Variants in KCTD1 observed in about 807,000 individuals in gnomAD.
KCTD1 encodes BTB/POZ domain-containing protein KCTD1.
In KCTD1, 24 loss-of-function variants were observed where a neutral mutation model predicts 66.0. The ratio of observed to expected loss-of-function variants is 0.36; its 90% CI spans 0.26 to 0.51. The LOEUF (loss-of-function observed/expected upper bound fraction) is 0.51, where lower values mean the gene tolerates loss of function less well. KCTD1 is among the 20% of genes least tolerant of loss of function. The pLI is 0.95. For missense variants in KCTD1, 943 were observed against 1,205.2 expected (o/e 0.78, Z 3.22); for synonymous variants, 511 against 517.2 (o/e 0.99, Z 0.16).
At chr18:26,643,168 C>T (rs1987863983), upstream of KCTD1, among the ~76,000 whole-genome samples, 1 of 152,120 alleles carries the variant, frequency 6.6e-6, no homozygotes, top group African/African-American at 2.4e-5. Flanking sequence ...CCGACAGCCA[C>T]CTTCTTGCTG....
intron 2 of KCTD1, among the ~76,000 whole-genome samples, chr18:26,495,813 T>C (rs74862787): frequency 0.017 from 2,655 of 152,258 alleles, 73 homozygotes; most frequent in African/African-American, 0.06. Flanking sequence ...AGTAATAACC[T>C]ATTACACTTG....
upstream of KCTD1, chr18:26,549,817 G>A (rs1473615707): frequency 2.0e-6 from 2 of 985,054 alleles, no homozygotes; most frequent in African/African-American, 1.7e-5. Context: ...TGGAAAAGCA[G>A]CCAAAGAGCT....
At chr18:26,625,571 C>A (rs573156948) in intron 1 of KCTD1, among the ~76,000 whole-genome samples, 2 of 152,298 alleles carry the variant, frequency 1.3e-5, no homozygotes, top group East Asian at 3.9e-4. Context: ...GAGGCTTCCC[C>A]AGCCCTGCAG....
intron 1 of KCTD1, among the ~76,000 whole-genome samples, chr18:26,652,695 T>TA (rs1988058989): frequency 1.3e-5 from 2 of 152,172 alleles, no homozygotes; most frequent in Admixed American, 6.5e-5. Context: ...GAGTGCCTGA[T>TA]ACACTGTAGG....
rs760825235 is a variant in KCTD1 at position 26,548,297 on chromosome 18, GTCC to G, written c.237_239del (p.Glu79del). 4.6e-3 allele frequency: 6,411 copies of G among 1,389,560 alleles called. No homozygotes were observed. Among genetic ancestry groups the G allele is most frequent in the South Asian group, 0.013 (896 of 69,572 alleles). The allele number at this position is 1,389,560 out of a possible 1,614,324, so 86.1% of individuals were successfully genotyped here. A position where few individuals can be genotyped will look rare whatever the true frequency, so the allele number is the denominator to read the frequency against. On this transcript the variant is annotated inframe_deletion, in exon 1 of 5. Coordinates refer to ENST00000580059, the MANE Select transcript of KCTD1 (RefSeq NM_001142730.3). ...CGTCCTCCTCCAGCCCCCCACCTCCGTCCTCCTCCTCCTCCTCGTCCCCCGTTA... is the reference window on the plus strand; with the variant it reads ...CGTCCTCCTCCAGCCCCCCACCTCCGTCCTCCTCCTCCTCGTCCCCCGTTA...
At chr18:26,647,338 C>CCCA (rs1555649535) in intron 1 of KCTD1, among the ~76,000 whole-genome samples, 2 of 149,340 alleles carry the variant, frequency 1.3e-5, no homozygotes, top group African/African-American at 4.9e-5. Flanking sequence ...GAAACCCCCC[C>CCCA]CCCATCTCTA....
At position 26,546,785 on chromosome 18, in the gene KCTD1, C is replaced by A. The variant is rs1300916076; in HGVS notation, c.1752G>T (p.Gly584=). 1 of 1,549,596 alleles carries A rather than the reference C, an allele frequency of 6.5e-7. No individual in the cohort carries two copies. Among genetic ancestry groups the A allele is most frequent in the Non-Finnish European group, 8.7e-7 (1 of 1,146,280 alleles). The change falls in exon 1 of 5, where the codon GGG becomes GGT. Residue 584 remains glycine (G), a synonymous_variant. Transcript: ENST00000580059. ...TTGTGGGAGAATTGGTGCTTCTGTG[C>A]CCATTGGCTTCTGGAAGAAGAGGCA... ...DPLPLLPEAN[G]HRSTNSPTIV...
chr18:26,565,700 GGAT>G (rs1270264385), intron 1 of KCTD1: 1 of 151,798 alleles, frequency 6.6e-6, no homozygotes, highest in Non-Finnish European at 1.5e-5. Flanking sequence ...CTTCCCTGTG[GGAT>G]GTTGAGGAGT....
chr18:26,549,839 G>A, upstream of KCTD1: 1 of 983,086 alleles, frequency 1.0e-6, no homozygotes, highest in Non-Finnish European at 1.2e-6. Flanking sequence ...GCCGGGTCTC[G>A]CTTTCCCATA....
upstream of KCTD1, chr18:26,549,755 C>T (rs549354856): frequency 1.0e-6 from 1 of 985,514 alleles, no homozygotes; most frequent in Non-Finnish European, 1.2e-6. Flanking sequence ...GCCATTCGTT[C>T]GCCCTCCGGG....
intron 3 of KCTD1, among the ~76,000 whole-genome samples, chr18:26,472,943 C>G (rs995076239): frequency 4.6e-5 from 7 of 152,192 alleles, no homozygotes; most frequent in African/African-American, 1.7e-4. Context: ...CAATCAGTCC[C>G]CTTGATCATG....
chr18:26,620,348 TAAAAAA>T (rs10594272), intron 1 of KCTD1, among the ~76,000 whole-genome samples: 26,341 of 86,986 alleles, frequency 0.3, 4,105 homozygotes, highest in East Asian at 0.46. Context: ...AGGTAAATCT[TAAAAAA>T]AAAAAAAAAA....
In KCTD1 at chr18:26,480,744, G is replaced by A. The variant is rs540600869; in HGVS notation, c.1989-4085C>T. On this transcript the variant is annotated intron_variant, in intron 2 of 4. Coordinates refer to ENST00000580059, the MANE Select transcript of KCTD1 (RefSeq NM_001142730.3). The stretch of plus-strand genomic sequence containing the variant: ...ATCATGTCACTGCACTCCAGCCTGG[G>A]CAACAGAGCGAGACTTTGTCTTAAA... 4.1e-4 allele frequency among the ~76,000 whole-genome samples: 62 copies of A among 152,186 alleles called. 1 individual carries two copies. Among genetic ancestry groups the A allele is most frequent in the African/African-American group, 1.5e-3 (62 of 41,534 alleles).
At chr18:26,572,839 G>A (rs1314058991) in intron 1 of KCTD1, among the ~76,000 whole-genome samples, 1 of 152,180 alleles carries the variant, frequency 6.6e-6, no homozygotes, top group Non-Finnish European at 1.5e-5. Flanking sequence ...GGTCAAACTA[G>A]TGTAGGAGTT....
intron 2 of KCTD1, among the ~76,000 whole-genome samples, chr18:26,479,220 C>G (rs1364505329): frequency 6.6e-6 from 1 of 152,226 alleles, no homozygotes; most frequent in Non-Finnish European, 1.5e-5. Flanking sequence ...GTGGGAGAGA[C>G]AGTGGGGAGA....
chr18:26,653,952 A>C (rs1025919428), intron 1 of KCTD1, among the ~76,000 whole-genome samples: 14 of 152,238 alleles, frequency 9.2e-5, no homozygotes, highest in Non-Finnish European at 1.8e-4. Flanking sequence ...GTCCAAAAGA[A>C]GGTTCAGAAA....
At chr18:26,514,513 G>T (rs923896157) in intron 1 of KCTD1, among the ~76,000 whole-genome samples, 1 of 145,564 alleles carries the variant, frequency 6.9e-6, no homozygotes, top group African/African-American at 2.6e-5. Flanking sequence ...TCATGCCACT[G>T]CATCCTAGCC....
intron 1 of KCTD1, among the ~76,000 whole-genome samples, chr18:26,596,952 C>G (rs147875814): frequency 6.6e-6 from 1 of 152,030 alleles, no homozygotes; most frequent in Non-Finnish European, 1.5e-5. Flanking sequence ...CATCCACTTT[C>G]CTTCTTGAAA....
chr18:26,501,007 C>A, intron 2 of KCTD1, 65 bp downstream of exon 2: 2 of 1,564,772 alleles, frequency 1.3e-6, no homozygotes, highest in South Asian at 2.4e-5. Context: ...CTATGCTGGT[C>A]AAAGGAAAAA....
Sources: gnomAD v4.1 joint callset for allele counts (sites outside exome capture counted in the v4.1 genomes callset) on GRCh38, gnomAD v4.1.1 for gene constraint, MANE v1.5 for transcripts, NCBI Gene and HGNC (gene_info 2026-07-23, HGNC 2026-07-21) for gene names.